Variants in TBC1D19 observed in about 807,000 individuals in gnomAD.
TBC1D19 encodes TBC1 domain family member 19.
Under a neutral mutation model 89.0 loss-of-function variants are expected in TBC1D19, and 60 were observed. The observed-to-expected ratio is 0.67, with a 90% CI of 0.55 to 0.84. TBC1D19 has a LOEUF of 0.84. Ranked by LOEUF, TBC1D19 falls within the 40% of genes least tolerant of loss-of-function variation. The pLI is 0.00. For synonymous variants in TBC1D19, 189 were observed against 199.7 expected (o/e 0.95, Z 0.45); for missense variants, 500 against 610.8 (o/e 0.82, Z 1.91).
intron 10 of TBC1D19, 135 bp downstream of exon 10, chr4:26,672,322 T>C (rs1420434070): frequency 1.5e-5 from 10 of 669,918 alleles, no homozygotes; most frequent in Admixed American, 1.4e-4. Context: ...TATTTAACCA[T>C]GTAGATTACA....
At chr4:26,676,677 C>A (rs535289090) in intron 11 of TBC1D19, among the ~76,000 whole-genome samples, 2 of 151,364 alleles carry the variant, frequency 1.3e-5, no homozygotes, top group South Asian at 4.2e-4. Context: ...AGAGATCGCG[C>A]CACTGCACTC....
chr4:26,607,181 A>T (rs2110000308), intron 1 of TBC1D19, among the ~76,000 whole-genome samples: 1 of 152,228 alleles, frequency 6.6e-6, no homozygotes, highest in Admixed American at 6.5e-5. Context: ...CTCTCACTAG[A>T]TTATATTTTT....
intron 8 of TBC1D19, among the ~76,000 whole-genome samples, chr4:26,660,499 T>G (rs1745154756): frequency 6.6e-6 from 1 of 152,238 alleles, no homozygotes; most frequent in Non-Finnish European, 1.5e-5. Flanking sequence ...TTCTCCTTTT[T>G]GCTCTGCTTT....
chr4:26,640,210 A>T (rs1743406678), intron 7 of TBC1D19, 23 bp downstream of exon 7: 1 of 1,541,608 alleles, frequency 6.5e-7, no homozygotes, highest in African/African-American at 1.4e-5. Flanking sequence ...GGATAAATAC[A>T]CATATATTAA....
chr4:26,608,396 A>C (rs1395062715), intron 1 of TBC1D19, among the ~76,000 whole-genome samples: 7 of 152,100 alleles, frequency 4.6e-5, no homozygotes, highest in Admixed American at 4.6e-4. Flanking sequence ...TGGTAATATC[A>C]TTTTCAATGT....
chr4:26,660,402 G>A (rs1246400202), intron 8 of TBC1D19, among the ~76,000 whole-genome samples: 1 of 152,210 alleles, frequency 6.6e-6, no homozygotes, highest in African/African-American at 2.4e-5. Flanking sequence ...AATGTCTCTA[G>A]AAGATAGAAA....
At chr4:26,593,205 C>G (rs1418677448) in intron 1 of TBC1D19, among the ~76,000 whole-genome samples, 1 of 152,148 alleles carries the variant, frequency 6.6e-6, no homozygotes, top group Admixed American at 6.5e-5. Flanking sequence ...ACTATCTGAT[C>G]TTTGACAAAC....
chr4:26,695,690 T>A (rs541670411), intron 13 of TBC1D19, among the ~76,000 whole-genome samples: 80 of 152,142 alleles, frequency 5.3e-4, no homozygotes, highest in African/African-American at 1.8e-3. Context: ...CAGAAGGGAG[T>A]GGGGGCCAAT....
the TBC1D19 span, among the ~76,000 whole-genome samples, chr4:26,791,617 T>A: frequency 6.6e-6 from 1 of 152,118 alleles, no homozygotes; most frequent in African/African-American, 2.4e-5. Flanking sequence ...TGGGCCAGGG[T>A]GGCACCAGGG....
intron 3 of TBC1D19, 58 bp from the exon 4 acceptor site, chr4:26,620,555 A>G (rs1741976859): frequency 1.4e-6 from 2 of 1,394,156 alleles, no homozygotes; most frequent in Non-Finnish European, 1.0e-6. Context: ...TACAGAGGTA[A>G]GTAATATCTA....
chr4:26,593,320 C>G (rs1739957642), intron 1 of TBC1D19, among the ~76,000 whole-genome samples: 2 of 152,198 alleles, frequency 1.3e-5, no homozygotes, highest in Admixed American at 6.5e-5. Flanking sequence ...CTTCCTTACA[C>G]CTTATACTAA....
At chr4:26,700,001 T>A (rs1267714106) in intron 13 of TBC1D19, among the ~76,000 whole-genome samples, 4 of 151,366 alleles carry the variant, frequency 2.6e-5, no homozygotes, top group Non-Finnish European at 2.9e-5. Flanking sequence ...ACCCTAGAAC[T>A]TAAAGTATAA....
chr4:26,731,915 T>C (rs1029809806), intron 15 of TBC1D19, among the ~76,000 whole-genome samples: 2 of 151,958 alleles, frequency 1.3e-5, no homozygotes, highest in Non-Finnish European at 2.9e-5. Flanking sequence ...GTAAAGGAAG[T>C]CAATACAGTT....
At chr4:26,726,232 G>T (rs1002879611) in intron 15 of TBC1D19, among the ~76,000 whole-genome samples, 3 of 151,898 alleles carry the variant, frequency 2.0e-5, no homozygotes, top group African/African-American at 7.3e-5. Context: ...AGCCAGGGGA[G>T]AGGGATGCTG....
intron 4 of TBC1D19, among the ~76,000 whole-genome samples, chr4:26,636,315 TG>T (rs1001069946): frequency 6.6e-6 from 1 of 151,898 alleles, no homozygotes; most frequent in African/African-American, 2.4e-5. Context: ...TATTAAAATA[TG>T]GTATTTATGG....
At chr4:26,648,894 A>G (rs2109036576) in intron 7 of TBC1D19, among the ~76,000 whole-genome samples, 1 of 152,198 alleles carries the variant, frequency 6.6e-6, no homozygotes, top group Non-Finnish European at 1.5e-5. Context: ...CTTTGAGGAC[A>G]GTTCCTTAAT....
At chr4:26,778,913 T>C in the TBC1D19 span, among the ~76,000 whole-genome samples, 2 of 152,230 alleles carry the variant, frequency 1.3e-5, no homozygotes, top group Admixed American at 1.3e-4. Context: ...GAATAATTTT[T>C]AATTCCTGAT....
chr4:26,660,299 G>C (rs1364901738), intron 8 of TBC1D19, among the ~76,000 whole-genome samples: 1 of 152,130 alleles, frequency 6.6e-6, no homozygotes, highest in Non-Finnish European at 1.5e-5. Context: ...TGTCTTTGGT[G>C]AAACTAGGAA....
chr4:26,679,472 T>C (rs1377114322), intron 11 of TBC1D19, among the ~76,000 whole-genome samples: 1 of 152,176 alleles, frequency 6.6e-6, no homozygotes, highest in African/African-American at 2.4e-5. Flanking sequence ...TGAAAATGCC[T>C]GGATATCCAG....
Sources: gnomAD v4.1 joint callset for allele counts (sites outside exome capture counted in the v4.1 genomes callset) on GRCh38, gnomAD v4.1.1 for gene constraint, MANE v1.5 for transcripts, NCBI Gene and HGNC (gene_info 2026-07-23, HGNC 2026-07-21) for gene names.